The following CCDC102B variants were observed in gnomAD, a reference collection of about 807,000 sequenced individuals.
The protein encoded by CCDC102B is coiled-coil domain-containing protein 102B.
Under a neutral mutation model 57.4 loss-of-function variants are expected in CCDC102B, and 75 were observed. That is an observed-to-expected ratio of 1.31 (90% confidence interval 1.08 to 1.58). The LOEUF is 1.58. Ranked by LOEUF, CCDC102B falls within the 40% of genes most tolerant of loss-of-function variation. The pLI is 0.00. For missense variants in CCDC102B, 636 were observed against 582.6 expected (o/e 1.09, Z -0.94); for synonymous variants, 206 against 201.9 (o/e 1.02, Z -0.17).
chr18:68,786,258 T>C (rs550237281), intron 2 of CCDC102B, among the ~76,000 whole-genome samples: 7 of 152,040 alleles, frequency 4.6e-5, no homozygotes, highest in Non-Finnish European at 8.8e-5. Flanking sequence ...GTTCAGGTAG[T>C]GTGATGCCTC....
chr18:68,978,214 C>T (rs140113310), intron 6 of CCDC102B, among the ~76,000 whole-genome samples: 103 of 152,100 alleles, frequency 6.8e-4, no homozygotes, highest in African/African-American at 2.4e-3. Flanking sequence ...TACTGGTGGT[C>T]AATAAATTCT....
intron 2 of CCDC102B, among the ~76,000 whole-genome samples, chr18:68,788,217 T>C (rs902785824): frequency 4.6e-5 from 7 of 152,214 alleles, no homozygotes; most frequent in Non-Finnish European, 8.8e-5. Flanking sequence ...TTTCTGATCT[T>C]TTACATTTGC....
intron 6 of CCDC102B, among the ~76,000 whole-genome samples, chr18:68,916,062 G>A (rs1188434956): frequency 6.6e-6 from 1 of 152,076 alleles, no homozygotes; most frequent in Non-Finnish European, 1.5e-5. Context: ...AATTTAGTTA[G>A]CATCTATTCC....
intron 7 of CCDC102B, among the ~76,000 whole-genome samples, chr18:69,051,511 G>A (rs1258484065): frequency 2.0e-5 from 3 of 151,846 alleles, no homozygotes; most frequent in Non-Finnish European, 4.4e-5. Context: ...TACAAATATA[G>A]TTCTTCATGA....
intron 6 of CCDC102B, among the ~76,000 whole-genome samples, chr18:68,931,494 T>C (rs1486534640): frequency 2.0e-5 from 3 of 151,388 alleles, no homozygotes; most frequent in Non-Finnish European, 4.4e-5. Flanking sequence ...TTTTTTCGGT[T>C]GGGGGGTGTG....
At position 68,955,016 on chromosome 18, in the gene CCDC102B, A is replaced by G. The variant is rs370334755; in HGVS notation, c.1264-55918A>G. Among the ~76,000 whole-genome samples the G allele has an allele frequency of 4.1e-4, 63 of 152,324 alleles. No individual in the cohort carries two copies. In the East Asian group the frequency reaches 6.4e-3, roughly 15 times the overall value. ...ATCTTGCCAGCTGTTAAATCAAAGC[A>G]TAGAGCTACTATCACACCTCTATTT... is the stretch of plus-strand genomic sequence containing the variant. On this transcript the variant is annotated intron_variant, in intron 6 of 7. Coordinates refer to ENST00000360242, the MANE Select transcript of CCDC102B (RefSeq NM_024781.3).
intron 5 of CCDC102B, among the ~76,000 whole-genome samples, chr18:68,884,300 G>C (rs1431645902): frequency 6.6e-6 from 1 of 152,092 alleles, no homozygotes; most frequent in Non-Finnish European, 1.5e-5. Flanking sequence ...AAGAAACTGT[G>C]ATAAGTATAT....
chr18:69,047,857 G>A (rs982356081), intron 7 of CCDC102B, among the ~76,000 whole-genome samples: 1 of 152,024 alleles, frequency 6.6e-6, no homozygotes, highest in African/African-American at 2.4e-5. Context: ...TACAATGAGA[G>A]TTACACTGCT....
At chr18:69,028,542 A>G (rs774626316) in intron 7 of CCDC102B, among the ~76,000 whole-genome samples, 36 of 152,096 alleles carry the variant, frequency 2.4e-4, no homozygotes, top group Admixed American at 4.6e-4. Flanking sequence ...CTTCTTCCCA[A>G]TGGTCCATTT....
intron 6 of CCDC102B, among the ~76,000 whole-genome samples, chr18:68,898,764 A>C (rs747457434): frequency 1.3e-5 from 2 of 152,144 alleles, no homozygotes; most frequent in Non-Finnish European, 2.9e-5. Context: ...CAAACACACA[A>C]ATTTTTATAA....
intron 6 of CCDC102B, among the ~76,000 whole-genome samples, chr18:68,974,272 C>CT (rs1221830126): frequency 2.6e-5 from 4 of 151,934 alleles, no homozygotes; most frequent in Admixed American, 2.6e-4. Flanking sequence ...GCCCTTCTGC[C>CT]ATGTGAGGAC....
chr18:68,891,426 G>A (rs958531437), intron 5 of CCDC102B, among the ~76,000 whole-genome samples: 1 of 152,116 alleles, frequency 6.6e-6, no homozygotes, highest in Non-Finnish European at 1.5e-5. Context: ...TTTCCATGTG[G>A]TGATTTTATG....
intron 4 of CCDC102B, among the ~76,000 whole-genome samples, chr18:68,858,228 CT>C (rs2038572522): frequency 6.6e-6 from 1 of 152,150 alleles, no homozygotes; most frequent in African/African-American, 2.4e-5. Context: ...ACAGTGTTTA[CT>C]TTTTTCTTCT....
At chr18:68,752,793 A>G (rs1568232629) in intron 2 of CCDC102B, among the ~76,000 whole-genome samples, 1 of 152,094 alleles carries the variant, frequency 6.6e-6, no homozygotes, top group South Asian at 2.1e-4. Flanking sequence ...GCTGTAAACA[A>G]TCTTATCTTT....
At position 68,897,425 on chromosome 18, in the gene CCDC102B, C is replaced by T; in HGVS notation, c.1260C>T (p.Asn420=). Residue 420 remains asparagine (N), a synonymous_variant, in exon 6 of 8, where the codon AAC becomes AAT. Coordinates refer to ENST00000360242, the MANE Select transcript of CCDC102B (RefSeq NM_024781.3). ...KMSQIDLQEK[N]QELLNLQHAY... ...CACAAATTGATCTGCAAGAAAAAAA[C>T]CAGGTATGGGTGCTCCTTGGAGCAA... 5.0e-6 allele frequency: 8 copies of T among 1,610,328 alleles called. No individual in the cohort carries two copies. The highest frequency in any genetic ancestry group is 1.1e-5 in the South Asian group (1 of 90,818).
At chr18:68,849,256 G>A (rs2038014215) in intron 4 of CCDC102B, among the ~76,000 whole-genome samples, 1 of 152,072 alleles carries the variant, frequency 6.6e-6, no homozygotes, top group Non-Finnish European at 1.5e-5. Context: ...GAGCTATTCT[G>A]CGTACATCAA....
At chr18:68,915,635 A>C (rs1467552960) in intron 6 of CCDC102B, among the ~76,000 whole-genome samples, 1 of 152,152 alleles carries the variant, frequency 6.6e-6, no homozygotes, top group African/African-American at 2.4e-5. Context: ...TTGAGTGACT[A>C]TTTGTTAGCC....
chr18:68,727,941 A>G (rs1394148008), intron 2 of CCDC102B, among the ~76,000 whole-genome samples: 1 of 152,230 alleles, frequency 6.6e-6, no homozygotes, highest in African/African-American at 2.4e-5. Context: ...ATTGGACAAT[A>G]AAGATACCCC....
At chr18:69,036,541 A>G (rs1237945278) in intron 7 of CCDC102B, among the ~76,000 whole-genome samples, 1 of 152,052 alleles carries the variant, frequency 6.6e-6, no homozygotes, top group Non-Finnish European at 1.5e-5. Flanking sequence ...ATTATAGCCT[A>G]CTTGCTTGGC....
Sources: gnomAD v4.1 joint callset for allele counts (sites outside exome capture counted in the v4.1 genomes callset) on GRCh38, gnomAD v4.1.1 for gene constraint, MANE v1.5 for transcripts, NCBI Gene and HGNC (gene_info 2026-07-23, HGNC 2026-07-21) for gene names.